Variants in CHD5 observed in about 807,000 individuals in gnomAD.
The protein encoded by CHD5 is ATP-dependent chromatin remodeler CHD5.
In CHD5, 69 loss-of-function variants were observed where a neutral mutation model predicts 230.3. The ratio of observed to expected loss-of-function variants is 0.30; its 90% CI spans 0.25 to 0.37. CHD5 has a LOEUF of 0.37. Ranked by LOEUF, CHD5 falls within the 10% of genes least tolerant of loss-of-function variation. The pLI, the probability that CHD5 is intolerant of heterozygous loss-of-function variation, is 1.00. For missense variants in CHD5, 1,827 were observed against 2,622.8 expected (o/e 0.70, Z 6.63); for synonymous variants, 1,064 against 1,065.9 (o/e 1.00, Z 0.03).
At chr1:6,135,153 A>G in intron 18 of CHD5, 77 bp downstream of exon 18, 1 of 1,543,828 alleles carries the variant, frequency 6.5e-7, no homozygotes, top group Non-Finnish European at 8.9e-7. Flanking sequence ...CCCTCCGCCC[A>G]CCTGGGAATC....
Position 6,121,009 on chromosome 1 carries a change from A to C in CHD5, c.4912+96T>G. 7.4e-7 allele frequency: 1 copy of C among 1,350,938 alleles called. No homozygotes were observed. The highest frequency in any genetic ancestry group is 2.7e-5 in the East Asian group (1 of 37,360). 83.7% of individuals were successfully genotyped at this position (1,350,938 alleles called of 1,614,324 possible). On this transcript the variant is annotated intron_variant, in intron 33 of 41. Coordinates refer to ENST00000262450, the MANE Select transcript of CHD5 (RefSeq NM_015557.3). The surrounding 1 kb of genome is among the most constrained non-coding windows in gnomAD (Gnocchi z 4.5). The stretch of plus-strand genomic sequence containing the variant: ...TGGAGTCTACCTCTCTGCCAGGGAG[A>C]AATGAGCGGAAGTACAGCCACCTGC...
rs572151645 is a variant in CHD5 at position 6,162,092 on chromosome 1, TGCCTTGAGG to T, written c.208-2586_208-2578del. Among the ~76,000 whole-genome samples the T allele has an allele frequency of 5.9e-4, 90 of 152,164 alleles. 2 individuals carry two copies. The South Asian group carries it at 0.012, about 21-fold the overall frequency. ...TAGAACCAGGGAGACTGTAAGAAAA[TGCCTTGAGG>T]CTGGGCGCGGTGACTCACGCTTGAA... On this transcript the variant is annotated intron_variant, in intron 2 of 41. Transcript: ENST00000262450.
intron 36 of CHD5, among the ~76,000 whole-genome samples, chr1:6,111,073 T>C (rs2100831761): frequency 6.7e-6 from 1 of 150,206 alleles, no homozygotes; most frequent in Non-Finnish European, 1.5e-5. Context: ...CTACTAAAAT[T>C]ACAAAAACTA....
chr1:6,146,464 C>A lies in CHD5; in HGVS notation c.1591-41G>T, dbSNP rs766835325. 8 of 1,573,504 alleles carry A rather than the reference C, an allele frequency of 5.1e-6. No individual in the cohort carries two copies. In the South Asian group the frequency reaches 9.0e-5, roughly 18 times the overall value. On this transcript the variant is annotated intron_variant, in intron 10 of 41. Transcript: ENST00000262450. The surrounding 1 kb of genome is among the most constrained non-coding windows in gnomAD (Gnocchi z 5.1). ...CACAAAGTCACAGAAGGGAGATGGG[C>A]CATGGTCCCCTGCATCTCCCTACCC...
rs1666119315 is a variant in CHD5, at chr1:6,104,117, C to T, written c.*1357G>A. The T allele has an allele frequency of 6.6e-6, 1 of 152,062 alleles. No homozygotes were observed. Among genetic ancestry groups the T allele is most frequent in the Non-Finnish European group, 1.5e-5 (1 of 68,002 alleles). The allele number at this position is 152,062 out of a possible 1,614,324, so 9.4% of individuals were successfully genotyped here. ...ACCTGGGGCCAGGAGAAGGATCACA[C>T]ACAAACAGGCCTAGGGAGGGCCTGA... On this transcript the variant is annotated 3_prime_UTR_variant, in exon 42 of 42. Transcript: ENST00000262450.
chr1:6,106,608 A>G lies in CHD5; in HGVS notation c.5742+8T>C. On this transcript the variant is annotated splice_region_variant and intron_variant, in intron 39 of 41. Coordinates refer to ENST00000262450, the MANE Select transcript of CHD5 (RefSeq NM_015557.3). ...GGCTCGGGCCGGGGCACACAGGCCG[A>G]GCCTGACCTGCTGGATGGTGGGGTC... The G allele has an allele frequency of 6.4e-7, 1 of 1,562,006 alleles. No homozygotes were observed. The highest frequency in any genetic ancestry group is 8.7e-7 in the Non-Finnish European group (1 of 1,153,970).
chr1:6,125,346 A>G lies in CHD5; in HGVS notation c.4261-113T>C, dbSNP rs2100843009. On this transcript the variant is annotated intron_variant, in intron 28 of 41. Transcript: ENST00000262450. This position sits in a 1 kb window ranked among gnomAD's most constrained non-coding sequence, Gnocchi z 6.7. ...GGAGGAGAAGGTAGGAAGGGGGCAC[A>G]GAGAAGGCAGGGGCCTCCACCTGGG... The G allele has an allele frequency of 8.0e-7, 1 of 1,251,982 alleles. No individual in the cohort carries two copies. Among genetic ancestry groups the G allele is most frequent in the Non-Finnish European group, 1.1e-6 (1 of 910,030 alleles). 77.6% of individuals were successfully genotyped at this position (1,251,982 alleles called of 1,614,324 possible).
At position 6,151,112 on chromosome 1, in the gene CHD5, C is replaced by T. The variant is rs544143020; in HGVS notation, c.914G>A (p.Ser305Asn). 1.1e-4 allele frequency: 174 copies of T among 1,609,994 alleles called. No homozygotes were observed. Among genetic ancestry groups the T allele is most frequent in the Non-Finnish European group, 1.5e-4 (173 of 1,177,898 alleles). ...GGAGCGCACGGAGGCACTGTGGATG[C>T]TGGCGCTGTCGAAGTCCGACTCCTC... ...EREESDFDSA[S>N]IHSASVRSEC... is the part of the protein sequence containing the mutation. The change falls in exon 7 of 42, where the codon AGC becomes AAC. Residue 305 changes from serine to asparagine, a missense_variant. Physicochemically the swap from Ser to Asn is conservative, Grantham distance 46. Around this residue, in one of 14 missense-constraint regions of CHD5, gnomAD observed 657 missense variants for 816.4 expected, o/e 0.80. Transcript: ENST00000262450.
chr1:6,165,305 C>G (rs757235124), intron 2 of CHD5, among the ~76,000 whole-genome samples: 41 of 152,178 alleles, frequency 2.7e-4, no homozygotes, highest in Non-Finnish European at 5.9e-4. Context: ...CCAGCCCTAT[C>G]TGGGGAGGAT....
chr1:6,158,494 C>G (rs1039428112), intron 3 of CHD5, among the ~76,000 whole-genome samples: 1 of 152,246 alleles, frequency 6.6e-6, no homozygotes, highest in African/African-American at 2.4e-5. Flanking sequence ...CTATCTATCA[C>G]TCTCCCCTAG....
chr1:6,143,205 C>T (rs1034390399), intron 13 of CHD5, among the ~76,000 whole-genome samples: 9 of 152,112 alleles, frequency 5.9e-5, no homozygotes, highest in African/African-American at 1.9e-4. Context: ...GGCACACCAC[C>T]GTGCCTGGCT....
chr1:6,149,527 GA>G, intron 7 of CHD5, 115 bp from the exon 8 acceptor site: 1 of 1,049,092 alleles, frequency 9.5e-7, no homozygotes, highest in Non-Finnish European at 1.3e-6. Context: ...AGGGTGGATG[GA>G]AAGGTGGGTG....
Position 6,154,538 on chromosome 1 carries a change from C to A in CHD5, c.745+122G>T. The A allele has an allele frequency of 3.6e-6, 3 of 827,404 alleles. No homozygotes were observed. Among genetic ancestry groups the A allele is most frequent in the Non-Finnish European group, 5.5e-6 (3 of 544,100 alleles). 51.3% of individuals were successfully genotyped at this position (827,404 alleles called of 1,614,324 possible). On this transcript the variant is annotated intron_variant, in intron 5 of 41. Coordinates refer to ENST00000262450, the MANE Select transcript of CHD5 (RefSeq NM_015557.3). This position sits in a 1 kb window ranked among gnomAD's most constrained non-coding sequence, Gnocchi z 7.0. ...AATCCAAGGTCACACAGGCACAGAG[C>A]CCTCCATTAGGAGCACCCCAGCTGC...
At position 6,105,824 on chromosome 1, in the gene CHD5, G is replaced by A. The variant is rs912695127; in HGVS notation, c.*47-397C>T. 8.5e-5 allele frequency among the ~76,000 whole-genome samples: 13 copies of A among 152,238 alleles called. No individual in the cohort carries two copies. Among genetic ancestry groups the A allele is most frequent in the Non-Finnish European group, 1.5e-5 (1 of 68,042 alleles). On this transcript the variant is annotated intron_variant, in intron 41 of 41. Coordinates refer to ENST00000262450, the MANE Select transcript of CHD5 (RefSeq NM_015557.3). This position sits in a 1 kb window ranked among gnomAD's most constrained non-coding sequence, Gnocchi z 4.8. ...ACCCTCAGCCACCCTCCTGGTCCTGGGCAGGAAGTGAGGGTGTAAGACAAG... is the reference window on the plus strand; with the variant it reads ...ACCCTCAGCCACCCTCCTGGTCCTGAGCAGGAAGTGAGGGTGTAAGACAAG...
At chr1:6,172,618 C>G (rs1317920617) in intron 1 of CHD5, among the ~76,000 whole-genome samples, 1 of 152,138 alleles carries the variant, frequency 6.6e-6, no homozygotes, top group East Asian at 1.9e-4. Context: ...AGGCAGTGGG[C>G]GCCCACCCCC....
intron 17 of CHD5, among the ~76,000 whole-genome samples, chr1:6,136,168 G>A (rs1321815968): frequency 6.6e-6 from 1 of 152,128 alleles, no homozygotes; most frequent in Non-Finnish European, 1.5e-5. Flanking sequence ...GCTTGCCTCT[G>A]CCTCCACCAC....
chr1:6,113,304 G>C lies in CHD5; in HGVS notation c.4913-306C>G, dbSNP rs771969867. The stretch of plus-strand genomic sequence containing the variant: ...CTGGGCTTGGCGCCATGCGCCTGTG[G>C]TCCCACCTGTTCAGGAAGCTGAGGT... On this transcript the variant is annotated intron_variant, in intron 33 of 41. Transcript: ENST00000262450. The C allele has an allele frequency of 6.1e-4, 259 of 424,214 alleles. 2 individuals are homozygous for C. Among genetic ancestry groups the C allele is most frequent in the South Asian group, 2.5e-3 (137 of 54,710 alleles). The allele number at this position is 424,214 out of a possible 1,614,324, so 26.3% of individuals were successfully genotyped here.
chr1:6,139,461 T>C, intron 15 of CHD5, among the ~76,000 whole-genome samples: 1 of 151,996 alleles, frequency 6.6e-6, no homozygotes, highest in East Asian at 1.9e-4. Flanking sequence ...GGTCTCAAAC[T>C]CCTGACTTCA....
rs112681759 is a variant in CHD5 at position 6,149,163 on chromosome 1, G to A, written c.1161+83C>T. 1,064 of 1,468,122 alleles carry A rather than the reference G, an allele frequency of 7.2e-4. 6 individuals are homozygous for A. The African/African-American group carries it at 0.013, about 18-fold the overall frequency. 90.9% of individuals were successfully genotyped at this position (1,468,122 alleles called of 1,614,324 possible). On this transcript the variant is annotated intron_variant, in intron 8 of 41. Transcript: ENST00000262450. ...CCTCCCTCCCCTACAGCATCTCCCC[G>A]CATTCTGCCCCCAAATGAGGGCACA...
Sources: allele counts gnomAD v4.1 joint callset (sites outside exome capture counted in the v4.1 genomes callset), GRCh38; gene constraint gnomAD v4.1.1; regional missense constraint gnomAD v4.1.1; non-coding constraint Gnocchi (gnomAD v3.1); transcripts MANE v1.5; gene names NCBI Gene and HGNC (gene_info 2026-07-23, HGNC 2026-07-21).